The following CDKAL1 variants were observed in gnomAD, a reference collection of about 807,000 sequenced individuals.
CDKAL1 encodes the protein CDKAL1 threonylcarbamoyladenosine tRNA methylthiotransferase, also known as threonylcarbamoyladenosine tRNA methylthiotransferase.
Under a neutral mutation model 68.2 loss-of-function variants are expected in CDKAL1, and 32 were observed. The ratio of observed to expected loss-of-function variants is 0.47; its 90% CI spans 0.35 to 0.63. CDKAL1 has a LOEUF of 0.63. Among genes scored for constraint, CDKAL1 ranks in the 30% least tolerant of loss-of-function variants. The pLI is 0.00. For missense variants in CDKAL1, 606 were observed against 696.7 expected, an observed-to-expected ratio of 0.87 and a Z score of 1.47; for synonymous variants, 234 against 244.3, an observed-to-expected ratio of 0.96 and a Z score of 0.39.
In CDKAL1 at chr6:21,160,671, G is replaced by GTC. The variant is rs1554189758; in HGVS notation, c.1300-37349_1300-37348insCT. Among the ~76,000 whole-genome samples the GTC allele has an allele frequency of 2.1e-3, 286 of 135,168 alleles. 3 individuals are homozygous for GTC. The highest frequency in any genetic ancestry group is 4.9e-3 in the African/African-American group (178 of 36,560). The allele number at this position is 135,168 out of a possible 152,430, so 88.7% of individuals were successfully genotyped here. On this transcript the variant is annotated intron_variant, in intron 13 of 15. Coordinates refer to ENST00000274695, the MANE Select transcript of CDKAL1 (RefSeq NM_017774.3). ...CACACACACACGTGTGTGTGTGTGTGTGTGTGTCTGTGTCCAAAAATATAT... is the reference window on the plus strand; with the variant it reads ...CACACACACACGTGTGTGTGTGTGTGTCTGTGTGTCTGTGTCCAAAAATATAT...
intron 9 of CDKAL1, among the ~76,000 whole-genome samples, chr6:20,883,921 A>G (rs1760944519): frequency 6.6e-6 from 1 of 152,202 alleles, no homozygotes; most frequent in Non-Finnish European, 1.5e-5. Flanking sequence ...AAGAATTAAC[A>G]CCAGTCCCTC....
At chr6:20,853,243 G>A (rs1051540925) in intron 9 of CDKAL1, among the ~76,000 whole-genome samples, 5 of 152,062 alleles carry the variant, frequency 3.3e-5, no homozygotes, top group Admixed American at 6.6e-5. Context: ...TTAGCTAGGC[G>A]TGGTGGCGCA....
At chr6:21,156,378 C>T (rs972979202) in intron 13 of CDKAL1, among the ~76,000 whole-genome samples, 5 of 142,292 alleles carry the variant, frequency 3.5e-5, no homozygotes, top group African/African-American at 7.9e-5. Flanking sequence ...GAGCCGAGAT[C>T]GTGCCACTGT....
intron 9 of CDKAL1, among the ~76,000 whole-genome samples, chr6:20,947,916 C>T (rs1764331537): frequency 6.6e-6 from 1 of 151,626 alleles, no homozygotes; most frequent in African/African-American, 2.4e-5. Flanking sequence ...GTAAGTCGGG[C>T]ATCATCTGTG....
At chr6:20,742,301 C>G (rs891331862) in intron 6 of CDKAL1, among the ~76,000 whole-genome samples, 6 of 151,858 alleles carry the variant, frequency 4.0e-5, no homozygotes, top group Admixed American at 3.3e-4. Context: ...CTGTTTTGTT[C>G]TGTCATATAG....
chr6:20,773,846 C>T (rs1775055045), intron 7 of CDKAL1, among the ~76,000 whole-genome samples: 1 of 152,060 alleles, frequency 6.6e-6, no homozygotes, highest in Non-Finnish European at 1.5e-5. Context: ...GCACCTGGCC[C>T]ATTTATTCAT....
At chr6:20,883,130 A>G (rs1184287960) in intron 9 of CDKAL1, among the ~76,000 whole-genome samples, 1 of 152,214 alleles carries the variant, frequency 6.6e-6, no homozygotes, top group African/African-American at 2.4e-5. Context: ...GAGTTCTGAC[A>G]GATTGGTACA....
intron 11 of CDKAL1, among the ~76,000 whole-genome samples, chr6:21,064,036 T>C (rs1771283673): frequency 6.6e-6 from 1 of 152,138 alleles, no homozygotes; most frequent in Non-Finnish European, 1.5e-5. Context: ...TTTAAAGAAG[T>C]GCGCATCCAA....
At position 21,105,526 on chromosome 6, in the gene CDKAL1, A is replaced by T. The variant is rs1344303596; in HGVS notation, c.1237-2875A>T. ...AGGAAACGATGAGTGTGTACAAATG[A>T]TTTTATTTACAAGGTCCTTATTAAT... is the stretch of plus-strand genomic sequence containing the variant. On this transcript the variant is annotated intron_variant, in intron 12 of 15. Coordinates refer to ENST00000274695, the MANE Select transcript of CDKAL1 (RefSeq NM_017774.3). Among the ~76,000 whole-genome samples the T allele has an allele frequency of 3.3e-5, 5 of 152,192 alleles. No individual in the cohort carries two copies. The East Asian group carries it at 7.7e-4, about 23-fold the overall frequency.
intron 7 of CDKAL1, among the ~76,000 whole-genome samples, chr6:20,776,887 C>A (rs1169614474): frequency 6.6e-6 from 1 of 152,176 alleles, no homozygotes; most frequent in East Asian, 1.9e-4. Context: ...GCAACTAGGG[C>A]AAAACAGGCC....
intron 8 of CDKAL1, among the ~76,000 whole-genome samples, chr6:20,829,899 G>A (rs1316404839): frequency 1.3e-5 from 2 of 152,164 alleles, no homozygotes. Context: ...TTTTGAGACG[G>A]AGTCTCACTT....
intron 5 of CDKAL1, among the ~76,000 whole-genome samples, chr6:20,679,563 C>T (rs1310013824): frequency 2.6e-5 from 4 of 152,126 alleles, no homozygotes; most frequent in African/African-American, 7.2e-5. Context: ...TGAAGCTCAT[C>T]CTGTTTTATT....
At chr6:21,198,140 A>G (rs1319150033) in intron 14 of CDKAL1, 36 bp downstream of exon 14, 1 of 1,380,758 alleles carries the variant, frequency 7.2e-7, no homozygotes, top group African/African-American at 1.4e-5. Context: ...GTTTTCTCCA[A>G]AGTGAGAAAG....
At chr6:20,825,810 T>A (rs930358023) in intron 8 of CDKAL1, among the ~76,000 whole-genome samples, 1 of 152,150 alleles carries the variant, frequency 6.6e-6, no homozygotes, top group Admixed American at 6.6e-5. Context: ...TAGTAAATTA[T>A]TGCCAGATTC....
chr6:20,935,844 A>AT (rs1763681318), intron 9 of CDKAL1, among the ~76,000 whole-genome samples: 3 of 152,164 alleles, frequency 2.0e-5, no homozygotes, highest in Non-Finnish European at 4.4e-5. Context: ...AGCTAGGATT[A>AT]CAGGCATATG....
intron 5 of CDKAL1, among the ~76,000 whole-genome samples, chr6:20,728,581 G>C (rs925974919): frequency 6.6e-6 from 1 of 152,128 alleles, no homozygotes; most frequent in Non-Finnish European, 1.5e-5. Flanking sequence ...TTGAAGCAAA[G>C]GACAGTGATA....
intron 8 of CDKAL1, among the ~76,000 whole-genome samples, chr6:20,829,466 G>A (rs905316268): frequency 6.6e-6 from 1 of 152,076 alleles, no homozygotes; most frequent in Non-Finnish European, 1.5e-5. Flanking sequence ...TTACAGATTC[G>A]TTATATTAGG....
At chr6:20,936,812 A>G (rs1184499722) in intron 9 of CDKAL1, among the ~76,000 whole-genome samples, 1 of 152,216 alleles carries the variant, frequency 6.6e-6, no homozygotes, top group Non-Finnish European at 1.5e-5. Context: ...ACTTTAAATC[A>G]GGAAACTTTG....
At chr6:20,888,819 C>T (rs534203327) in intron 9 of CDKAL1, among the ~76,000 whole-genome samples, 9 of 152,140 alleles carry the variant, frequency 5.9e-5, no homozygotes, top group East Asian at 3.9e-4. Flanking sequence ...TGAATAGTGC[C>T]GCAGTAAACA....
Sources: allele counts gnomAD v4.1 joint callset (sites outside exome capture counted in the v4.1 genomes callset), GRCh38; gene constraint gnomAD v4.1.1; transcripts MANE v1.5; gene names NCBI Gene and HGNC (gene_info 2026-07-23, HGNC 2026-07-21).